The following ZC3H12C variants were observed in gnomAD, a reference collection of about 807,000 sequenced individuals.
The protein encoded by ZC3H12C is probable ribonuclease ZC3H12C.
Under a neutral mutation model 76.3 loss-of-function variants are expected in ZC3H12C, and 20 were observed. The ratio of observed to expected loss-of-function variants is 0.26; its 90% CI spans 0.18 to 0.38. The LOEUF (loss-of-function observed/expected upper bound fraction) is 0.38, where lower values mean the gene tolerates loss of function less well. Ranked by LOEUF, ZC3H12C falls within the 10% of genes least tolerant of loss-of-function variation. The pLI, the probability that ZC3H12C is intolerant of heterozygous loss-of-function variation, is 1.00. For missense variants in ZC3H12C, 874 were observed against 1,086.5 expected (o/e 0.80, Z 2.75); for synonymous variants, 352 against 399.6 (o/e 0.88, Z 1.42).
intron 5 of ZC3H12C, 104 bp downstream of exon 5, chr11:110,163,483 G>A (rs895785571): frequency 1.8e-5 from 15 of 811,114 alleles, no homozygotes; most frequent in African/African-American, 3.5e-5. Flanking sequence ...GGCATAATAT[G>A]CAGTTCTTTG....
intron 1 of ZC3H12C, among the ~76,000 whole-genome samples, chr11:110,125,721 C>T (rs1861731884): frequency 6.6e-6 from 1 of 152,176 alleles, no homozygotes; most frequent in Non-Finnish European, 1.5e-5. Flanking sequence ...TAAGGAATGC[C>T]CCGCCACCAT....
In ZC3H12C at chr11:110,164,506, C is replaced by T. The variant is rs1251379900; in HGVS notation, c.1421C>T (p.Thr474Ile). ...AAAAGCAACAGTGTTCCTTGTAGCA[C>T]CAAGGCTGATAGCACTTCTGATGTC... ...LVKSNSVPCSTKADSTSDVKR... is the reference protein window; with the variant it reads ...LVKSNSVPCSIKADSTSDVKR... Residue 474 changes from threonine (T) to isoleucine (I), a missense_variant, in exon 6 of 6, where the codon ACC (threonine) becomes ATC (isoleucine). Physicochemically the swap from Thr to Ile is moderately conservative, Grantham distance 89. This residue lies in a region of ZC3H12C where 269 missense variants were observed against 424.9 expected (regional missense o/e 0.63). Coordinates refer to ENST00000278590, the MANE Select transcript of ZC3H12C (RefSeq NM_033390.2). The surrounding 1 kb of genome is among the most constrained non-coding windows in gnomAD (Gnocchi z 5.7). 2 of 1,613,908 alleles carry T rather than the reference C, an allele frequency of 1.2e-6. No individual in the cohort carries two copies. The highest frequency in any genetic ancestry group is 1.7e-5 in the Admixed American group (1 of 60,002).
chr11:110,157,522 C>T (rs1165114108), intron 3 of ZC3H12C, among the ~76,000 whole-genome samples: 2 of 150,260 alleles, frequency 1.3e-5, no homozygotes, highest in Non-Finnish European at 3.0e-5. Context: ...GCAGCCTTCA[C>T]TTCCCAGGGT....
chr11:110,123,557 A>AT (rs1173756738), intron 1 of ZC3H12C, among the ~76,000 whole-genome samples: 2 of 152,198 alleles, frequency 1.3e-5, no homozygotes, highest in Non-Finnish European at 2.9e-5. Context: ...TTGATGACAT[A>AT]GGACGGAAAG....
intron 1 of ZC3H12C, among the ~76,000 whole-genome samples, chr11:110,100,944 G>T (rs140965209): frequency 7.2e-5 from 11 of 152,320 alleles, no homozygotes; most frequent in African/African-American, 2.6e-4. Flanking sequence ...CAAGAGGTAG[G>T]CCTCTTGCAA....
intron 2 of ZC3H12C, among the ~76,000 whole-genome samples, 200 bp downstream of exon 2, chr11:110,137,614 A>G (rs10891063): frequency 0.22 from 33,069 of 152,074 alleles, 3,689 homozygotes; most frequent in Middle Eastern, 0.34. Flanking sequence ...ATCCCCGTAT[A>G]GAGACCCATT....
At chr11:110,107,137 T>A (rs1287668168) in intron 1 of ZC3H12C, among the ~76,000 whole-genome samples, 2 of 152,250 alleles carry the variant, frequency 1.3e-5, no homozygotes, top group African/African-American at 4.8e-5. Context: ...AAGTATCTTT[T>A]GTGAAACATC....
At chr11:110,119,995 C>G (rs1033120910) in intron 1 of ZC3H12C, among the ~76,000 whole-genome samples, 1 of 152,174 alleles carries the variant, frequency 6.6e-6, no homozygotes, top group African/African-American at 2.4e-5. Context: ...GTTTAGGTGG[C>G]TGCATAAATA....
At chr11:110,098,897 G>A (rs118049937) in intron 1 of ZC3H12C, among the ~76,000 whole-genome samples, 1 of 152,362 alleles carries the variant, frequency 6.6e-6, no homozygotes, top group Non-Finnish European at 1.5e-5. Flanking sequence ...ATTAAAGTCT[G>A]TGTAACCTAA....
chr11:110,156,928 C>G (rs1406148209), intron 3 of ZC3H12C, among the ~76,000 whole-genome samples: 3 of 152,198 alleles, frequency 2.0e-5, no homozygotes, highest in Admixed American at 6.5e-5. Flanking sequence ...TACCTGTAAT[C>G]CCAGCACTTT....
At chr11:110,152,413 A>G (rs771043931) in intron 2 of ZC3H12C, among the ~76,000 whole-genome samples, 4 of 152,224 alleles carry the variant, frequency 2.6e-5, no homozygotes, top group South Asian at 2.1e-4. Context: ...GTTGTTTTAC[A>G]TTGGTCACCT....
chr11:110,152,233 C>T (rs1465460100), intron 2 of ZC3H12C, among the ~76,000 whole-genome samples: 1 of 152,220 alleles, frequency 6.6e-6, no homozygotes, highest in Non-Finnish European at 1.5e-5. Context: ...CTTTTAGGCA[C>T]TAAGGCTGCT....
intron 1 of ZC3H12C, among the ~76,000 whole-genome samples, chr11:110,126,048 T>G (rs615947): frequency 0.71 from 107,590 of 151,888 alleles, 38,416 homozygotes; most frequent in East Asian, 0.89. Flanking sequence ...TTCTCAAAAG[T>G]CCTGTTTTTC....
chr11:110,155,676 T>G (rs897801995), intron 3 of ZC3H12C, among the ~76,000 whole-genome samples: 6 of 152,190 alleles, frequency 3.9e-5, no homozygotes, highest in African/African-American at 1.4e-4. Context: ...GATTTTATTT[T>G]TGTGTGTCTG....
chr11:110,169,060 T>G lies in ZC3H12C; in HGVS notation c.*3323T>G, dbSNP rs904350877. The G allele has an allele frequency of 6.6e-6, 1 of 152,112 alleles. No homozygotes were observed. Among genetic ancestry groups the G allele is most frequent in the African/African-American group, 2.4e-5 (1 of 41,430 alleles). 9.4% of individuals were successfully genotyped at this position (152,112 alleles called of 1,614,324 possible). ...GAGTTGTGAACGACCGAGTCTGGGG[T>G]CTGGACGGCCAATGATAAGATTTAG... On this transcript the variant is annotated 3_prime_UTR_variant, in exon 6 of 6. Transcript: ENST00000278590.
chr11:110,117,817 T>C (rs28568434), intron 1 of ZC3H12C, among the ~76,000 whole-genome samples: 5 of 102,352 alleles, frequency 4.9e-5, no homozygotes, highest in African/African-American at 1.6e-4. Context: ...CACATATATA[T>C]ACACACACAC....
chr11:110,167,981 A>C lies in ZC3H12C; in HGVS notation c.*2244A>C, dbSNP rs1350335596. The C allele has an allele frequency of 6.6e-6, 1 of 152,160 alleles. No individual in the cohort carries two copies. Among genetic ancestry groups the C allele is most frequent in the African/African-American group, 2.4e-5 (1 of 41,454 alleles). The allele number at this position is 152,160 out of a possible 1,614,324, so 9.4% of individuals were successfully genotyped here. On this transcript the variant is annotated 3_prime_UTR_variant, in exon 6 of 6. Coordinates refer to ENST00000278590, the MANE Select transcript of ZC3H12C (RefSeq NM_033390.2). ...TATCTTTTATTTTAGTCATATTCTA[A>C]GACTTCTTTTTAGTATGAAATCACT... is the stretch of plus-strand genomic sequence containing the variant.
chr11:110,154,543 C>G (rs984803628), intron 3 of ZC3H12C, among the ~76,000 whole-genome samples: 4 of 151,834 alleles, frequency 2.6e-5, no homozygotes, highest in African/African-American at 7.3e-5. Flanking sequence ...ATTGGATAAC[C>G]CTTTGGGAAA....
intron 1 of ZC3H12C, among the ~76,000 whole-genome samples, chr11:110,135,639 A>G (rs668970): frequency 0.48 from 73,047 of 151,862 alleles, 17,889 homozygotes; most frequent in East Asian, 0.72. Context: ...TAAAATGGCA[A>G]AAAACAAACC....
Sources: allele counts gnomAD v4.1 joint callset (sites outside exome capture counted in the v4.1 genomes callset), GRCh38; gene constraint gnomAD v4.1.1; regional missense constraint gnomAD v4.1.1; non-coding constraint Gnocchi (gnomAD v3.1); transcripts MANE v1.5; gene names NCBI Gene and HGNC (gene_info 2026-07-23, HGNC 2026-07-21).